Variants in RAB28 observed in about 807,000 individuals in gnomAD.
RAB28 encodes the protein ras-related protein Rab-28.
In RAB28, 24 loss-of-function variants were observed where a neutral mutation model predicts 31.7. That is an observed-to-expected ratio of 0.76 (90% CI 0.55 to 1.06). The LOEUF (loss-of-function observed/expected upper bound fraction) is 1.06, where lower values mean the gene tolerates loss of function less well. Among genes scored for constraint, RAB28 ranks in the 50% least tolerant of loss-of-function variants. The pLI is 0.00. For synonymous variants in RAB28, 100 were observed against 90.4 expected (o/e 1.11, Z -0.60); for missense variants, 254 against 258.5 (o/e 0.98, Z 0.12).
intron 4 of RAB28, among the ~76,000 whole-genome samples, chr4:13,431,540 G>A (rs907420203): frequency 1.3e-5 from 2 of 152,088 alleles, no homozygotes; most frequent in African/African-American, 4.8e-5. Flanking sequence ...GAAGAGCTTA[G>A]TGTTAGTCCA....
chr4:13,400,435 T>A (rs1261757486), intron 4 of RAB28, among the ~76,000 whole-genome samples: 1 of 152,188 alleles, frequency 6.6e-6, no homozygotes, highest in Non-Finnish European at 1.5e-5. Flanking sequence ...ATCTTTATAA[T>A]ATTGAGTCTT....
intron 6 of RAB28, among the ~76,000 whole-genome samples, chr4:13,373,977 A>ATG (rs748855842): frequency 7.7e-5 from 11 of 143,486 alleles, no homozygotes; most frequent in Admixed American, 3.4e-4. Flanking sequence ...GTGTGTATAT[A>ATG]TGTGTGTGTG....
chr4:13,444,189 A>G (rs1300864233), intron 4 of RAB28, among the ~76,000 whole-genome samples: 1 of 151,184 alleles, frequency 6.6e-6, no homozygotes, highest in Non-Finnish European at 1.5e-5. Context: ...CACCATGCCC[A>G]GCTAACTTTT....
chr4:13,419,556 G>C (rs957580054), intron 4 of RAB28, among the ~76,000 whole-genome samples: 1 of 151,982 alleles, frequency 6.6e-6, no homozygotes. Flanking sequence ...CTGTCTCTAA[G>C]GAGCACAGTG....
intron 4 of RAB28, among the ~76,000 whole-genome samples, chr4:13,420,049 A>C (rs1331507787): frequency 6.6e-6 from 1 of 152,188 alleles, no homozygotes; most frequent in African/African-American, 2.4e-5. Flanking sequence ...AATCAAATAG[A>C]TGCAATAAAA....
At chr4:13,443,179 G>T (rs946952670) in intron 4 of RAB28, among the ~76,000 whole-genome samples, 45 of 145,126 alleles carry the variant, frequency 3.1e-4, no homozygotes, top group Non-Finnish European at 5.0e-4. Context: ...AATATAAATG[G>T]TTTTTTTTTT....
intron 4 of RAB28, among the ~76,000 whole-genome samples, chr4:13,455,533 T>C (rs34629131): frequency 1.3e-5 from 2 of 152,138 alleles, no homozygotes; most frequent in East Asian, 1.9e-4. Context: ...GAGGTCCAAA[T>C]GCTACTGACC....
At chr4:13,396,183 C>G (rs1362245919) in intron 4 of RAB28, among the ~76,000 whole-genome samples, 2 of 151,602 alleles carry the variant, frequency 1.3e-5, no homozygotes, top group Non-Finnish European at 3.0e-5. Context: ...GAAGTAAAAG[C>G]AAAATATAAA....
intron 4 of RAB28, among the ~76,000 whole-genome samples, chr4:13,383,441 T>C (rs1302044567): frequency 2.0e-5 from 3 of 152,016 alleles, no homozygotes; most frequent in Non-Finnish European, 4.4e-5. Context: ...CTAACAAATA[T>C]AACCATGGAA....
intron 4 of RAB28, among the ~76,000 whole-genome samples, chr4:13,420,604 T>G (rs557748173): frequency 6.6e-6 from 1 of 152,146 alleles, no homozygotes; most frequent in South Asian, 2.1e-4. Context: ...TGGTTCAACA[T>G]ATGCAAATCA....
At chr4:13,415,452 T>C (rs1043377552) in intron 4 of RAB28, among the ~76,000 whole-genome samples, 4 of 152,098 alleles carry the variant, frequency 2.6e-5, no homozygotes, top group Admixed American at 2.0e-4. Context: ...CCAGTGCAAG[T>C]TCAGGGTGAG....
chr4:13,382,344 G>A (rs1403485812), intron 4 of RAB28, among the ~76,000 whole-genome samples: 7 of 151,960 alleles, frequency 4.6e-5, no homozygotes, highest in Non-Finnish European at 1.0e-4. Flanking sequence ...ACCCTATAAG[G>A]GTGTTGATTC....
chr4:13,463,414 CTG>C (rs992907284), intron 3 of RAB28, among the ~76,000 whole-genome samples: 28 of 152,156 alleles, frequency 1.8e-4, no homozygotes, highest in Non-Finnish European at 7.4e-5. Flanking sequence ...CTGGCCCACA[CTG>C]TGTATCTGTA....
chr4:13,459,599 T>A, intron 4 of RAB28: 1 of 269,416 alleles, frequency 3.7e-6, no homozygotes, highest in South Asian at 1.4e-4. Flanking sequence ...CTCTGCTATC[T>A]ATCATTTGAG....
At chr4:13,378,014 G>T (rs1416793664) in intron 5 of RAB28, among the ~76,000 whole-genome samples, 1 of 152,138 alleles carries the variant, frequency 6.6e-6, no homozygotes, top group Non-Finnish European at 1.5e-5. Flanking sequence ...TGTTAAATTG[G>T]GCAGCCTATT....
At chr4:13,415,419 C>T (rs1247002813) in intron 4 of RAB28, among the ~76,000 whole-genome samples, 1 of 152,138 alleles carries the variant, frequency 6.6e-6, no homozygotes, top group Non-Finnish European at 1.5e-5. Flanking sequence ...AGGCGGGAAC[C>T]GGGGCTGCGC....
At chr4:13,481,631 A>C (rs1157453527) in intron 1 of RAB28, among the ~76,000 whole-genome samples, 1 of 152,066 alleles carries the variant, frequency 6.6e-6, no homozygotes, top group Non-Finnish European at 1.5e-5. Context: ...AAAAAAGAAT[A>C]TTTTGCCTCA....
chr4:13,424,088 A>G (rs1560287721), intron 4 of RAB28, among the ~76,000 whole-genome samples: 1 of 152,240 alleles, frequency 6.6e-6, no homozygotes, highest in Non-Finnish European at 1.5e-5. Flanking sequence ...ACTATTATGT[A>G]AAGTGTTGGA....
At chr4:13,459,599 T>G (rs1004527328) in intron 4 of RAB28, 1 of 269,416 alleles carries the variant, frequency 3.7e-6, no homozygotes, top group Non-Finnish European at 5.7e-6. Flanking sequence ...CTCTGCTATC[T>G]ATCATTTGAG....
Sources: allele counts gnomAD v4.1 joint callset (sites outside exome capture counted in the v4.1 genomes callset), GRCh38; gene constraint gnomAD v4.1.1; transcripts MANE v1.5; gene names NCBI Gene and HGNC (gene_info 2026-07-23, HGNC 2026-07-21).